The following DCC variants were observed in gnomAD, a reference collection of about 807,000 sequenced individuals.
DCC encodes DCC netrin 1 receptor, also known as netrin receptor DCC.
Under a neutral mutation model 172.5 loss-of-function variants are expected in DCC, and 58 were observed. The ratio of observed to expected loss-of-function variants is 0.34; its 90% CI spans 0.27 to 0.42. The LOEUF (loss-of-function observed/expected upper bound fraction) is 0.42, where lower values mean the gene tolerates loss of function less well. DCC is among the 10% of genes least tolerant of loss of function. The pLI is 1.00. For synonymous variants in DCC, 709 were observed against 644.5 expected (o/e 1.10, Z -1.52); for missense variants, 1,740 against 1,791.0 (o/e 0.97, Z 0.51).
At chr18:52,344,229 T>C (rs1362523952) in intron 1 of DCC, among the ~76,000 whole-genome samples, 1 of 152,198 alleles carries the variant, frequency 6.6e-6, no homozygotes, top group East Asian at 1.9e-4. Flanking sequence ...TAATCCTACC[T>C]AAATTCCTGA....
intron 23 of DCC, among the ~76,000 whole-genome samples, chr18:53,458,675 G>T (rs2045512598): frequency 6.6e-6 from 1 of 152,192 alleles, no homozygotes; most frequent in Admixed American, 6.5e-5. Flanking sequence ...ACTCAGTGAT[G>T]CCAAGGCAAA....
At chr18:53,504,664 C>A (rs773481259) in intron 27 of DCC, among the ~76,000 whole-genome samples, 3 of 152,188 alleles carry the variant, frequency 2.0e-5, no homozygotes, top group Non-Finnish European at 4.4e-5. Context: ...GACTCTGGAA[C>A]CTACCTACTT....
intron 1 of DCC, among the ~76,000 whole-genome samples, chr18:52,546,605 G>T (rs2032623118): frequency 1.3e-5 from 2 of 151,952 alleles, no homozygotes; most frequent in Admixed American, 1.3e-4. Context: ...CCCTCAATTT[G>T]CAAACAGAGA....
At chr18:52,479,864 T>C (rs185591388) in intron 1 of DCC, among the ~76,000 whole-genome samples, 1 of 152,262 alleles carries the variant, frequency 6.6e-6, no homozygotes, top group Admixed American at 6.5e-5. Flanking sequence ...TTAACCATAC[T>C]AAGAGAAGTA....
Position 52,567,725 on chromosome 18 carries a change from T to A in DCC, c.92-184329T>A, listed in dbSNP as rs567529959. 2.6e-5 allele frequency among the ~76,000 whole-genome samples: 4 copies of A among 152,202 alleles called. No individual in the cohort carries two copies. The South Asian group carries it at 8.3e-4, about 32-fold the overall frequency. On this transcript the variant is annotated intron_variant, in intron 1 of 28. Coordinates refer to ENST00000442544, the MANE Select transcript of DCC (RefSeq NM_005215.4). ...TCGGTACAAATGTACATTATTTCCA[T>A]GATGGGTACACTACAAGCCCAGACT...
At chr18:52,659,404 A>T (rs547147953) in intron 1 of DCC, among the ~76,000 whole-genome samples, 4 of 152,260 alleles carry the variant, frequency 2.6e-5, no homozygotes, top group African/African-American at 9.6e-5. Context: ...CAGGCCTTCC[A>T]TCCAGGGACT....
At chr18:52,676,587 C>T (rs1397399137) in intron 1 of DCC, among the ~76,000 whole-genome samples, 3 of 152,112 alleles carry the variant, frequency 2.0e-5, no homozygotes, top group African/African-American at 7.2e-5. Flanking sequence ...ACTTGGGAAA[C>T]ATGATATATA....
At chr18:52,774,099 G>T (rs2145171203) in intron 2 of DCC, among the ~76,000 whole-genome samples, 1 of 152,342 alleles carries the variant, frequency 6.6e-6, no homozygotes, top group East Asian at 1.9e-4. Flanking sequence ...ACTGTGGCGT[G>T]GAGCCATGGC....
chr18:53,504,479 C>CA (rs1259709116), intron 27 of DCC, among the ~76,000 whole-genome samples: 2 of 152,194 alleles, frequency 1.3e-5, no homozygotes, highest in African/African-American at 4.8e-5. Flanking sequence ...AATTACACTA[C>CA]ATCTAAGTTT....
At chr18:53,378,323 T>G (rs868169444) in intron 15 of DCC, among the ~76,000 whole-genome samples, 1 of 152,138 alleles carries the variant, frequency 6.6e-6, no homozygotes, top group Non-Finnish European at 1.5e-5. Context: ...ATGGTTTTTG[T>G]TTTTGTTTTT....
chr18:53,033,400 A>G (rs112960470), intron 5 of DCC, among the ~76,000 whole-genome samples: 4,186 of 152,198 alleles, frequency 0.028, 179 homozygotes, highest in African/African-American at 0.096. Flanking sequence ...CTCTTTCGCA[A>G]TGTTTCCTTT....
At chr18:52,669,274 T>C (rs1568031814) in intron 1 of DCC, among the ~76,000 whole-genome samples, 2 of 152,218 alleles carry the variant, frequency 1.3e-5, no homozygotes, top group Non-Finnish European at 2.9e-5. Flanking sequence ...TCTCAAGCAC[T>C]GATTTTGGGA....
chr18:53,165,924 G>A (rs2054912311), intron 8 of DCC, among the ~76,000 whole-genome samples: 1 of 152,152 alleles, frequency 6.6e-6, no homozygotes. Context: ...TGATGTCTAT[G>A]TCATAATCAG....
intron 2 of DCC, among the ~76,000 whole-genome samples, chr18:52,794,255 G>T (rs2145212429): frequency 6.6e-6 from 1 of 152,162 alleles, no homozygotes; most frequent in South Asian, 2.1e-4. Context: ...CATTGGGAAG[G>T]ATGGCTATTT....
chr18:52,345,808 TA>T (rs71173389), intron 1 of DCC, among the ~76,000 whole-genome samples: 11,731 of 152,236 alleles, frequency 0.077, 720 homozygotes, highest in East Asian at 0.31. Flanking sequence ...AACTGTACTC[TA>T]AAAGCAGCTA....
At chr18:52,357,860 C>A (rs1984440147) in intron 1 of DCC, among the ~76,000 whole-genome samples, 1 of 151,690 alleles carries the variant, frequency 6.6e-6, no homozygotes, top group African/African-American at 2.4e-5. Context: ...ATGGTGTGAA[C>A]CCACGAGGCG....
At chr18:52,826,868 G>A (rs1307035927) in intron 2 of DCC, among the ~76,000 whole-genome samples, 1 of 152,112 alleles carries the variant, frequency 6.6e-6, no homozygotes, top group Non-Finnish European at 1.5e-5. Context: ...AAAATATTCA[G>A]AAATATATTG....
chr18:53,175,225 G>T (rs2055072998), intron 8 of DCC, among the ~76,000 whole-genome samples: 1 of 152,060 alleles, frequency 6.6e-6, no homozygotes, highest in Admixed American at 6.6e-5. Context: ...ATATCATACT[G>T]AATGGGCAAA....
chr18:53,420,195 T>TATAGTAAC (rs1308047941), intron 21 of DCC, among the ~76,000 whole-genome samples: 6 of 152,176 alleles, frequency 3.9e-5, no homozygotes, highest in Non-Finnish European at 5.9e-5. Context: ...TGACAACAGA[T>TATAGTAAC]ATGTTACATG....
Sources: gnomAD v4.1 joint callset for allele counts (sites outside exome capture counted in the v4.1 genomes callset) on GRCh38, gnomAD v4.1.1 for gene constraint, MANE v1.5 for transcripts, NCBI Gene and HGNC (gene_info 2026-07-23, HGNC 2026-07-21) for gene names.